Variants in CACNB2 observed in about 807,000 individuals in gnomAD.
CACNB2 encodes voltage-dependent L-type calcium channel subunit beta-2.
A neutral mutation model predicts 73.3 loss-of-function variants in CACNB2; 42 were observed. That is an observed-to-expected ratio of 0.57 (90% CI 0.45 to 0.74). The LOEUF (loss-of-function observed/expected upper bound fraction) is 0.74. CACNB2 is among the 30% of genes least tolerant of loss of function. The pLI is 0.00. For missense variants in CACNB2, 940 were observed against 853.0 expected, an observed-to-expected ratio of 1.10 and a Z score of -1.27; for synonymous variants, 348 against 310.3, an observed-to-expected ratio of 1.12 and a Z score of -1.28.
At chr10:18,378,545 T>G (rs1480633824) in intron 2 of CACNB2, among the ~76,000 whole-genome samples, 2 of 152,170 alleles carry the variant, frequency 1.3e-5, no homozygotes, top group Non-Finnish European at 2.9e-5. Context: ...GCCCAGAAGT[T>G]GGAGACCAGC....
chr10:18,518,338 A>G lies in CACNB2; in HGVS notation c.807A>G (p.Thr269=), dbSNP rs1173334982. 12 of 1,610,052 alleles carry G rather than the reference A, an allele frequency of 7.5e-6. No individual in the cohort carries two copies. The highest frequency in any genetic ancestry group is 9.4e-6 in the Non-Finnish European group (11 of 1,176,406). ...AAAAGCCTCTCCTCTCTCTGCAGAC[A>G]GAGCACACTCCTCCGTATGATGTGG... The part of the protein sequence containing the change: ...KEKRMPFFKK[T]EHTPPYDVVP... The change falls in exon 8 of 14, where the codon ACA becomes ACG. Residue 269 remains threonine (T), a splice_region_variant and synonymous_variant. Transcript: ENST00000324631.
At chr10:18,184,993 C>G (rs1227198098) in intron 2 of CACNB2, among the ~76,000 whole-genome samples, 1 of 152,094 alleles carries the variant, frequency 6.6e-6, no homozygotes, top group Non-Finnish European at 1.5e-5. Context: ...GCATGCACCA[C>G]CACGCCTGGC....
intron 2 of CACNB2, among the ~76,000 whole-genome samples, chr10:18,171,438 A>G (rs2400): frequency 0.12 from 17,298 of 147,622 alleles, 1,031 homozygotes; most frequent in East Asian, 0.17. Flanking sequence ...TTGATTCTCT[A>G]TAACCCAAAC....
chr10:18,433,721 A>T (rs928428833), intron 3 of CACNB2, among the ~76,000 whole-genome samples: 11 of 152,062 alleles, frequency 7.2e-5, no homozygotes, highest in Admixed American at 3.3e-4. Context: ...AAAGAGTGGA[A>T]CAAGGAGTCC....
At chr10:18,361,509 A>AG (rs1203881052) in intron 2 of CACNB2, among the ~76,000 whole-genome samples, 1 of 151,558 alleles carries the variant, frequency 6.6e-6, no homozygotes, top group Admixed American at 6.6e-5. Context: ...AAAAAAAAAA[A>AG]AAAGAAAGAA....
chr10:18,393,600 G>A (rs145542677), intron 2 of CACNB2, among the ~76,000 whole-genome samples: 21 of 152,314 alleles, frequency 1.4e-4, no homozygotes, highest in African/African-American at 4.3e-4. Context: ...ACCAGCAACT[G>A]TTCCTTTTGC....
At chr10:18,338,076 C>G (rs1023782249) in intron 2 of CACNB2, among the ~76,000 whole-genome samples, 1 of 152,184 alleles carries the variant, frequency 6.6e-6, no homozygotes, top group East Asian at 1.9e-4. Context: ...GAGATTACAC[C>G]AAACCAAAAA....
At chr10:18,514,405 CT>C in intron 7 of CACNB2, 36 bp downstream of exon 7, 1 of 1,613,976 alleles carries the variant, frequency 6.2e-7, no homozygotes, top group Non-Finnish European at 8.5e-7. Context: ...TGTCCACCTG[CT>C]CAACTGCACT....
intron 2 of CACNB2, among the ~76,000 whole-genome samples, chr10:18,298,369 CA>C (rs60553121): frequency 4.2e-4 from 54 of 129,578 alleles, no homozygotes; most frequent in East Asian, 8.9e-4. Context: ...AACTCTGTCT[CA>C]AAAAAAAAAA....
chr10:18,195,954 C>T (rs907406627), intron 2 of CACNB2, among the ~76,000 whole-genome samples: 1 of 152,098 alleles, frequency 6.6e-6, no homozygotes, highest in Non-Finnish European at 1.5e-5. Context: ...CTCTGTGATT[C>T]CTTTTTAAAA....
At chr10:18,517,764 C>T (rs1018236929) in intron 7 of CACNB2, among the ~76,000 whole-genome samples, 7 of 152,142 alleles carry the variant, frequency 4.6e-5, no homozygotes, top group Non-Finnish European at 7.3e-5. Flanking sequence ...TTTAAACTCT[C>T]ACAATAATAT....
Position 18,359,113 on chromosome 10 carries a change from C to CT in CACNB2, c.214-42801dup, listed in dbSNP as rs553267195. On this transcript the variant is annotated intron_variant, in intron 2 of 13. Coordinates refer to ENST00000324631, the MANE Select transcript of CACNB2 (RefSeq NM_201596.3). ...CCACTGAAATACTGATAGCCATTTT[C>CT]TTTTTTTTTTAACTTCTACGTTATT... is the stretch of plus-strand genomic sequence containing the variant. Among the ~76,000 whole-genome samples the CT allele has an allele frequency of 1.2e-3, 178 of 147,776 alleles. 2 individuals carry two copies. In the South Asian group the frequency reaches 0.029, roughly 24 times the overall value.
chr10:18,178,028 G>A (rs1302704837), intron 2 of CACNB2, among the ~76,000 whole-genome samples: 1 of 152,158 alleles, frequency 6.6e-6, no homozygotes, highest in Non-Finnish European at 1.5e-5. Context: ...AGAAGATACA[G>A]GCATGAAGCT....
chr10:18,432,221 T>G (rs1345474020), intron 3 of CACNB2, among the ~76,000 whole-genome samples: 1 of 152,206 alleles, frequency 6.6e-6, no homozygotes, highest in Non-Finnish European at 1.5e-5. Context: ...AGCCTCAGTT[T>G]AAACAAATAC....
chr10:18,522,329 A>C (rs2051975959), intron 9 of CACNB2, among the ~76,000 whole-genome samples: 1 of 152,064 alleles, frequency 6.6e-6, no homozygotes, highest in Non-Finnish European at 1.5e-5. Flanking sequence ...AATCATCTCA[A>C]AACCATCTCC....
chr10:18,464,196 A>G (rs1036030462), intron 3 of CACNB2, among the ~76,000 whole-genome samples: 1 of 149,452 alleles, frequency 6.7e-6, no homozygotes, highest in African/African-American at 2.5e-5. Flanking sequence ...AGTGGTAGGG[A>G]CAGACAGACT....
chr10:18,315,273 G>T (rs1383126256), intron 2 of CACNB2, among the ~76,000 whole-genome samples: 2 of 151,960 alleles, frequency 1.3e-5, no homozygotes, highest in Admixed American at 6.6e-5. Flanking sequence ...GGTGGAGGTT[G>T]CAGTGAGCCA....
intron 2 of CACNB2, among the ~76,000 whole-genome samples, chr10:18,152,303 A>G (rs1474173501): frequency 6.6e-6 from 1 of 152,180 alleles, no homozygotes; most frequent in African/African-American, 2.4e-5. Flanking sequence ...GGTCCGTGCC[A>G]ATTGGGAATT....
intron 2 of CACNB2, among the ~76,000 whole-genome samples, chr10:18,212,768 C>T (rs575331019): frequency 1.3e-5 from 2 of 151,836 alleles, no homozygotes; most frequent in Non-Finnish European, 2.9e-5. Context: ...GTTTATTTAT[C>T]AGAATTAAAC....
Sources: allele counts gnomAD v4.1 joint callset (sites outside exome capture counted in the v4.1 genomes callset), GRCh38; gene constraint gnomAD v4.1.1; transcripts MANE v1.5; gene names NCBI Gene and HGNC (gene_info 2026-07-23, HGNC 2026-07-21).